Variants in ANKRD31 observed in about 807,000 individuals in gnomAD.
ANKRD31 encodes the protein ankyrin repeat domain 31, also known as ankyrin repeat domain-containing protein 31.
Under a neutral mutation model 186.0 loss-of-function variants are expected in ANKRD31, and 147 were observed. The ratio of observed to expected loss-of-function variants is 0.79; its 90% CI spans 0.69 to 0.91. The LOEUF is 0.91. ANKRD31 is among the 40% of genes least tolerant of loss of function. The pLI is 0.00. For missense variants in ANKRD31, 1,986 were observed against 2,148.8 expected, an observed-to-expected ratio of 0.92 and a Z score of 1.50; for synonymous variants, 673 against 736.4, an observed-to-expected ratio of 0.91 and a Z score of 1.39.
chr5:75,198,455 T>C (rs1755613896), intron 6 of ANKRD31, among the ~76,000 whole-genome samples: 1 of 152,116 alleles, frequency 6.6e-6, no homozygotes, highest in South Asian at 2.1e-4. Flanking sequence ...CTTTGAAAAA[T>C]ACTTGGTTGA....
intron 5 of ANKRD31, among the ~76,000 whole-genome samples, chr5:75,204,443 A>G (rs1580550929): frequency 6.6e-6 from 1 of 152,238 alleles, no homozygotes; most frequent in East Asian, 1.9e-4. Context: ...TTGTAATCTA[A>G]TGTTTTGTCC....
intron 8 of ANKRD31, among the ~76,000 whole-genome samples, 184 bp from the exon 9 acceptor site, chr5:75,192,960 T>C (rs1755213323): frequency 6.6e-6 from 1 of 152,192 alleles, no homozygotes; most frequent in African/African-American, 2.4e-5. Context: ...GGCATGCCAG[T>C]CATCACAGCT....
rs1752254844 is a variant in ANKRD31, at chr5:75,157,334, T to TA, written c.1708-2990dup. The stretch of plus-strand genomic sequence containing the variant: ...AAGCAGAACTTATAAATGCTAAACT[T>TA]AGAGGTTTGGCTGAGGTGATTTCCA... On this transcript the variant is annotated intron_variant, in intron 11 of 25. Transcript: ENST00000506364. Among the ~76,000 whole-genome samples, 5 of 152,286 alleles carry TA rather than the reference T, an allele frequency of 3.3e-5. No individual in the cohort carries two copies. In the South Asian group the frequency reaches 1.0e-3, roughly 32 times the overall value.
chr5:75,204,929 C>T (rs1756059358), intron 5 of ANKRD31, among the ~76,000 whole-genome samples: 3 of 152,200 alleles, frequency 2.0e-5, no homozygotes, highest in Admixed American at 6.5e-5. Context: ...CTCTGTCACC[C>T]GGGCTGGAAA....
chr5:75,095,012 A>C (rs1746205141), intron 22 of ANKRD31, among the ~76,000 whole-genome samples: 1 of 152,214 alleles, frequency 6.6e-6, no homozygotes, highest in Non-Finnish European at 1.5e-5. Flanking sequence ...TATGCACTTA[A>C]AACACAAAAC....
intron 10 of ANKRD31, among the ~76,000 whole-genome samples, chr5:75,181,791 G>A (rs1012033036): frequency 2.6e-5 from 4 of 151,410 alleles, no homozygotes; most frequent in East Asian, 1.9e-4. Flanking sequence ...GTTAAATGAC[G>A]AGTTAATGGG....
chr5:75,165,999 C>T (rs775995347), intron 11 of ANKRD31, among the ~76,000 whole-genome samples: 4 of 152,040 alleles, frequency 2.6e-5, no homozygotes, highest in South Asian at 2.1e-4. Flanking sequence ...AATGATATCG[C>T]GAGTATGAAA....
chr5:75,219,742 G>T (rs1004348854), intron 3 of ANKRD31, among the ~76,000 whole-genome samples: 2 of 152,028 alleles, frequency 1.3e-5, no homozygotes, highest in African/African-American at 2.4e-5. Flanking sequence ...TCTTCAAACT[G>T]TACAAAGCTA....
At chr5:75,228,206 T>C (rs968142861) in intron 2 of ANKRD31, among the ~76,000 whole-genome samples, 1 of 152,236 alleles carries the variant, frequency 6.6e-6, no homozygotes, top group Non-Finnish European at 1.5e-5. Context: ...ACCCACTTTC[T>C]CCATTAGTAG....
At chr5:75,133,468 A>T (rs569109949) in intron 17 of ANKRD31, among the ~76,000 whole-genome samples, 2 of 152,230 alleles carry the variant, frequency 1.3e-5, no homozygotes, top group African/African-American at 4.8e-5. Context: ...GCTAACTATC[A>T]TAAATATATA....
chr5:75,108,575 TCTGGTTAAAGTAA>T (rs1183804852), intron 20 of ANKRD31, among the ~76,000 whole-genome samples: 4 of 152,182 alleles, frequency 2.6e-5, no homozygotes, highest in African/African-American at 9.7e-5. Context: ...TGCACATTTT[TCTGGTTAAAGTAA>T]CTTGAGAAAA....
intron 10 of ANKRD31, among the ~76,000 whole-genome samples, chr5:75,169,740 C>G (rs980911992): frequency 6.6e-6 from 1 of 152,066 alleles, no homozygotes; most frequent in South Asian, 2.1e-4. Context: ...TAAAGTTGCA[C>G]GTCAAAAGAG....
At chr5:75,105,615 G>A (rs774165855) in intron 21 of ANKRD31, among the ~76,000 whole-genome samples, 2 of 152,138 alleles carry the variant, frequency 1.3e-5, no homozygotes, top group African/African-American at 2.4e-5. Context: ...GAGAGCCATC[G>A]TTCTTTAAAT....
chr5:75,224,597 T>C (rs1365918851), intron 2 of ANKRD31, among the ~76,000 whole-genome samples: 1 of 151,328 alleles, frequency 6.6e-6, no homozygotes, highest in Non-Finnish European at 1.5e-5. Context: ...TGGTTAACCA[T>C]TTCAAAAAAA....
chr5:75,228,125 T>C (rs754105527), intron 2 of ANKRD31, among the ~76,000 whole-genome samples: 6 of 152,250 alleles, frequency 3.9e-5, no homozygotes, highest in Non-Finnish European at 7.3e-5. Flanking sequence ...TTTTACTATA[T>C]GGCCATTGAA....
intron 9 of ANKRD31, among the ~76,000 whole-genome samples, chr5:75,191,811 G>A (rs1007593790): frequency 6.6e-6 from 1 of 151,942 alleles, no homozygotes; most frequent in African/African-American, 2.4e-5. Context: ...AATTATAAAT[G>A]AGATAGTCTT....
intron 15 of ANKRD31, among the ~76,000 whole-genome samples, chr5:75,139,750 A>G (rs545055812): frequency 6.6e-6 from 1 of 152,322 alleles, no homozygotes; most frequent in South Asian, 2.1e-4. Flanking sequence ...GTAGAGAGAG[A>G]GCCAATCTGA....
chr5:75,129,898 A>T (rs1482502874), intron 17 of ANKRD31, among the ~76,000 whole-genome samples: 1 of 152,236 alleles, frequency 6.6e-6, no homozygotes, highest in Non-Finnish European at 1.5e-5. Flanking sequence ...AAGCCATGAC[A>T]GATGGTACCT....
At chr5:75,178,405 C>T (rs1753996215) in intron 10 of ANKRD31, among the ~76,000 whole-genome samples, 1 of 152,202 alleles carries the variant, frequency 6.6e-6, no homozygotes, top group African/African-American at 2.4e-5. Context: ...CTACAGAACT[C>T]TCCACCCCAA....
Sources: gnomAD v4.1 joint callset for allele counts (sites outside exome capture counted in the v4.1 genomes callset) on GRCh38, gnomAD v4.1.1 for gene constraint, MANE v1.5 for transcripts, NCBI Gene and HGNC (gene_info 2026-07-23, HGNC 2026-07-21) for gene names.